PHACTR4: variants seen among roughly 807,000 people sequenced by gnomAD.
The protein encoded by PHACTR4 is protein phosphatase 1, regulatory subunit 124.
In PHACTR4, 51 loss-of-function variants were observed where a neutral mutation model predicts 72.7. The observed-to-expected ratio is 0.70, with a 90% CI of 0.56 to 0.89. The LOEUF is 0.89. Among genes scored for constraint, PHACTR4 ranks in the 40% least tolerant of loss-of-function variants. The pLI is 0.00. For missense variants in PHACTR4, 731 were observed against 861.8 expected (o/e 0.85, Z 1.90); for synonymous variants, 255 against 302.5 (o/e 0.84, Z 1.63).
At chr1:28,399,953 C>T (rs1653817282) in intron 1 of PHACTR4, among the ~76,000 whole-genome samples, 1 of 152,088 alleles carries the variant, frequency 6.6e-6, no homozygotes, top group Non-Finnish European at 1.5e-5. Flanking sequence ...TAAGAATGTG[C>T]TTGTTATGTT....
chr1:28,495,695 C>A (rs1197618900), intron 13 of PHACTR4, among the ~76,000 whole-genome samples: 7 of 151,272 alleles, frequency 4.6e-5, no homozygotes, highest in Non-Finnish European at 8.8e-5. Flanking sequence ...TGGCTCACTG[C>A]AGCCTCAACC....
At chr1:28,434,755 C>T (rs554484877) in intron 2 of PHACTR4, among the ~76,000 whole-genome samples, 56 of 152,072 alleles carry the variant, frequency 3.7e-4, no homozygotes, top group Non-Finnish European at 5.6e-4. Context: ...TGGTCTCAAA[C>T]TCCTAGGCTC....
At chr1:28,468,424 C>T (rs1659349760) in intron 6 of PHACTR4, among the ~76,000 whole-genome samples, 1 of 152,036 alleles carries the variant, frequency 6.6e-6, no homozygotes, top group Non-Finnish European at 1.5e-5. Context: ...AACGCCATCT[C>T]TACTAAAAAT....
intron 2 of PHACTR4, among the ~76,000 whole-genome samples, chr1:28,447,009 T>C (rs952525211): frequency 1.3e-5 from 2 of 151,776 alleles, no homozygotes; most frequent in Admixed American, 6.6e-5. Context: ...TCTTTTTATT[T>C]ATTTATTTAT....
intron 1 of PHACTR4, among the ~76,000 whole-genome samples, chr1:28,385,412 T>TCA (rs1197605584): frequency 1.3e-5 from 2 of 151,634 alleles, no homozygotes; most frequent in African/African-American, 4.8e-5. Context: ...GGCATGGTGG[T>TCA]GCATGCCTAT....
intron 2 of PHACTR4, among the ~76,000 whole-genome samples, chr1:28,409,852 G>A (rs1229898182): frequency 4.7e-5 from 7 of 149,220 alleles, no homozygotes; most frequent in Non-Finnish European, 1.5e-5. Flanking sequence ...CCCCTGAAGA[G>A]TAGTTTTTAG....
At chr1:28,448,678 C>T (rs1657670578) in intron 2 of PHACTR4, among the ~76,000 whole-genome samples, 1 of 129,622 alleles carries the variant, frequency 7.7e-6, no homozygotes, top group African/African-American at 3.0e-5. Context: ...AGGAGAATGG[C>T]GTGAACCCGG....
Position 28,496,949 on chromosome 1 carries a change from A to G in PHACTR4, c.*400A>G. On this transcript the variant is annotated 3_prime_UTR_variant, in exon 14 of 14. Transcript: ENST00000373839. ...CCCTGATTGTGAGACCCAAATGTGT[A>G]GGCTCTAAATTCCAGCCATCAAATC... The G allele has an allele frequency of 4.7e-6, 1 of 214,836 alleles. No homozygotes were observed. The highest frequency in any genetic ancestry group is 9.3e-6 in the Non-Finnish European group (1 of 107,686). 13.3% of individuals were successfully genotyped at this position (214,836 alleles called of 1,614,324 possible). A position where few individuals can be genotyped will look rare whatever the true frequency, so the allele number is the denominator to read the frequency against.
intron 1 of PHACTR4, among the ~76,000 whole-genome samples, chr1:28,390,366 T>G (rs1652913341): frequency 6.6e-6 from 1 of 152,194 alleles, no homozygotes; most frequent in South Asian, 2.1e-4. Flanking sequence ...AAACTCAATC[T>G]TACAATTCTC....
intron 1 of PHACTR4, among the ~76,000 whole-genome samples, chr1:28,385,029 G>C (rs187811745): frequency 2.2e-4 from 33 of 152,202 alleles, no homozygotes; most frequent in Non-Finnish European, 3.7e-4. Flanking sequence ...TCTTTTGCTA[G>C]CTTTGGGATT....
At chr1:28,399,360 G>A in intron 1 of PHACTR4, among the ~76,000 whole-genome samples, 1 of 152,128 alleles carries the variant, frequency 6.6e-6, no homozygotes, top group Non-Finnish European at 1.5e-5. Context: ...AATTTCTGCT[G>A]TGTATAAATA....
rs1661143362 is a variant in PHACTR4, at chr1:28,493,175, C to T, written c.2093+84C>T. On this transcript the variant is annotated intron_variant, in intron 13 of 13. Coordinates refer to ENST00000373839, the MANE Select transcript of PHACTR4 (RefSeq NM_001048183.3). ...CAGATATGAAGGGCTCTAATGACAT[C>T]AGTAAAAAGGAAAACACTCAGTGTT... is the stretch of plus-strand genomic sequence containing the variant. 7 of 1,147,474 alleles carry T rather than the reference C, an allele frequency of 6.1e-6. No individual in the cohort carries two copies. The South Asian group carries it at 6.5e-5, about 11-fold the overall frequency. 71.1% of individuals were successfully genotyped at this position (1,147,474 alleles called of 1,614,324 possible). A position where few individuals can be genotyped will look rare whatever the true frequency, so the allele number is the denominator to read the frequency against.
intron 7 of PHACTR4, among the ~76,000 whole-genome samples, chr1:28,474,993 C>G (rs1659833281): frequency 6.6e-6 from 1 of 151,872 alleles, no homozygotes; most frequent in Non-Finnish European, 1.5e-5. Context: ...CTCTCTCACT[C>G]AAGCTGGAGT....
rs1292877509 is a variant in PHACTR4, at chr1:28,396,829, C to A, written c.-38-10581C>A. Among the ~76,000 whole-genome samples the A allele has an allele frequency of 9.1e-5, 9 of 98,610 alleles. No individual in the cohort carries two copies. In the Admixed American group the frequency reaches 9.1e-4, roughly 10 times the overall value. The allele number at this position is 98,610 out of a possible 152,430, so 64.7% of individuals were successfully genotyped here. ...TTACACCACCACGCCCGGCTAATTT[C>A]TTTCTTTCTTTCTTTCTTTTTTTTT... On this transcript the variant is annotated intron_variant, in intron 1 of 13. Transcript: ENST00000373839.
Position 28,480,601 on chromosome 1 carries a change from T to C in PHACTR4, c.1757T>C (p.Ile586Thr), listed in dbSNP as rs746483162. The part of the protein sequence containing the change: ...EIRHQIGNTL[I>T]RRLSQRPTPE... ...CGGCACCAGATTGGAAACACACTGATCCGGTAGGCCTTTGCTTAGATTTGC... is the reference window on the plus strand; with the variant it reads ...CGGCACCAGATTGGAAACACACTGACCCGGTAGGCCTTTGCTTAGATTTGC... Residue 586 changes from isoleucine (I) to threonine (T), a missense_variant, in exon 9 of 14, where the codon ATC becomes ACC. Around this residue, in one of 2 missense-constraint regions of PHACTR4, gnomAD observed 110 missense variants for 185.2 expected, o/e 0.59. Transcript: ENST00000373839. The C allele has an allele frequency of 2.5e-6, 4 of 1,614,108 alleles. No homozygotes were observed. The highest frequency in any genetic ancestry group is 3.4e-6 in the Non-Finnish European group (4 of 1,179,986).
intron 2 of PHACTR4, among the ~76,000 whole-genome samples, chr1:28,423,843 T>C (rs61783828): frequency 0.26 from 39,443 of 152,108 alleles, 5,258 homozygotes; most frequent in Middle Eastern, 0.34. Flanking sequence ...CACGTTCAAT[T>C]CATGTTAGCT....
At chr1:28,444,177 G>T (rs1657254624) in intron 2 of PHACTR4, among the ~76,000 whole-genome samples, 1 of 119,396 alleles carries the variant, frequency 8.4e-6, no homozygotes, top group African/African-American at 3.0e-5. Flanking sequence ...TTCACCTGAT[G>T]ATTTGTTATG....
chr1:28,400,602 TG>T (rs746366273), intron 1 of PHACTR4, among the ~76,000 whole-genome samples: 1 of 151,606 alleles, frequency 6.6e-6, no homozygotes, highest in Admixed American at 6.6e-5. Context: ...TTTTTTGAGA[TG>T]GAGTCTCACT....
At chr1:28,381,359 C>T (rs1408462435) in intron 1 of PHACTR4, among the ~76,000 whole-genome samples, 4 of 125,856 alleles carry the variant, frequency 3.2e-5, no homozygotes, top group African/African-American at 9.1e-5. Context: ...AGTGCAGTGG[C>T]GTGATCTCAG....
Sources: allele counts gnomAD v4.1 joint callset (sites outside exome capture counted in the v4.1 genomes callset), GRCh38; gene constraint gnomAD v4.1.1; regional missense constraint gnomAD v4.1.1; transcripts MANE v1.5; gene names NCBI Gene and HGNC (gene_info 2026-07-23, HGNC 2026-07-21).